Variants in CDH12 observed in about 807,000 individuals in gnomAD.
CDH12 encodes the protein cadherin 12.
In CDH12, 41 loss-of-function variants were observed where a neutral mutation model predicts 74.1. That is an observed-to-expected ratio of 0.55 (90% CI 0.43 to 0.72). CDH12 has a LOEUF of 0.72. Ranked by LOEUF, CDH12 falls within the 30% of genes least tolerant of loss-of-function variation. The pLI, the probability that CDH12 is intolerant of heterozygous loss-of-function variation, is 0.00. For missense variants in CDH12, 945 were observed against 977.2 expected (o/e 0.97, Z 0.44); for synonymous variants, 399 against 355.0 (o/e 1.12, Z -1.39).
chr5:22,312,746 C>A (rs994322163), intron 3 of CDH12, among the ~76,000 whole-genome samples: 1 of 152,154 alleles, frequency 6.6e-6, no homozygotes, highest in African/African-American at 2.4e-5. Context: ...ATTTATTAAG[C>A]AGCTATCTGC....
chr5:21,800,714 C>T (rs1747063443), intron 10 of CDH12, among the ~76,000 whole-genome samples: 1 of 152,118 alleles, frequency 6.6e-6, no homozygotes, highest in Non-Finnish European at 1.5e-5. Context: ...AATTGTAATC[C>T]CTACATGTTG....
chr5:22,800,477 C>T (rs917763477), intron 1 of CDH12, among the ~76,000 whole-genome samples: 3 of 152,120 alleles, frequency 2.0e-5, no homozygotes, highest in African/African-American at 7.2e-5. Context: ...TAGTCCTACA[C>T]GTGTACAGTT....
chr5:22,828,718 G>T (rs1261971170), intron 1 of CDH12, among the ~76,000 whole-genome samples: 1 of 152,142 alleles, frequency 6.6e-6, no homozygotes, highest in Non-Finnish European at 1.5e-5. Flanking sequence ...TTCTGTGCGT[G>T]CTAGAAAATC....
intron 2 of CDH12, among the ~76,000 whole-genome samples, chr5:22,442,708 A>G (rs1744674687): frequency 6.6e-6 from 1 of 152,114 alleles, no homozygotes; most frequent in Non-Finnish European, 1.5e-5. Context: ...TGAAGTAGGC[A>G]GGAAAGCAAG....
intron 4 of CDH12, among the ~76,000 whole-genome samples, chr5:22,177,325 G>A (rs903916194): frequency 6.6e-6 from 1 of 151,990 alleles, no homozygotes; most frequent in Non-Finnish European, 1.5e-5. Context: ...TAAATGAAAT[G>A]AAAATATATT....
chr5:22,025,529 G>A (rs906489919), intron 5 of CDH12, among the ~76,000 whole-genome samples: 1 of 152,136 alleles, frequency 6.6e-6, no homozygotes, highest in African/African-American at 2.4e-5. Flanking sequence ...TTGACTTGAT[G>A]TTGATGGTTG....
chr5:22,569,570 C>A (rs1739446088), intron 1 of CDH12, among the ~76,000 whole-genome samples: 1 of 152,196 alleles, frequency 6.6e-6, no homozygotes, highest in African/African-American at 2.4e-5. Context: ...ACTGCTCTAT[C>A]AACTACGCTT....
intron 6 of CDH12, among the ~76,000 whole-genome samples, chr5:21,889,300 T>C (rs1752788687): frequency 6.6e-6 from 1 of 152,134 alleles, no homozygotes; most frequent in Non-Finnish European, 1.5e-5. Context: ...TATATTATCA[T>C]TATTTAGCAA....
At chr5:22,847,263 T>G (rs977200644) in intron 1 of CDH12, among the ~76,000 whole-genome samples, 1 of 152,200 alleles carries the variant, frequency 6.6e-6, no homozygotes, top group Non-Finnish European at 1.5e-5. Context: ...TGTTTTGCAC[T>G]TTTCAGTCAC....
intron 2 of CDH12, among the ~76,000 whole-genome samples, chr5:22,443,341 C>T (rs749749158): frequency 1.3e-5 from 2 of 151,944 alleles, no homozygotes; most frequent in African/African-American, 4.8e-5. Flanking sequence ...CTGATTTAGC[C>T]CAAGGCCCAG....
At chr5:22,785,083 T>C (rs1276128871) in intron 1 of CDH12, among the ~76,000 whole-genome samples, 1 of 152,158 alleles carries the variant, frequency 6.6e-6, no homozygotes, top group African/African-American at 2.4e-5. Flanking sequence ...TGATGCCTTC[T>C]TCTGACGGAC....
intron 2 of CDH12, among the ~76,000 whole-genome samples, chr5:22,430,013 G>T (rs1045092615): frequency 6.6e-6 from 1 of 152,088 alleles, no homozygotes; most frequent in African/African-American, 2.4e-5. Context: ...GTAATCTATT[G>T]GTTACAGATG....
intron 1 of CDH12, among the ~76,000 whole-genome samples, chr5:22,671,900 A>G (rs1272740781): frequency 6.6e-6 from 1 of 150,742 alleles, no homozygotes; most frequent in Non-Finnish European, 1.5e-5. Context: ...GAATAGAAAC[A>G]TATTTTCTGC....
chr5:21,957,285 T>C (rs1300295248), intron 6 of CDH12, among the ~76,000 whole-genome samples: 1 of 152,186 alleles, frequency 6.6e-6, no homozygotes, highest in East Asian at 1.9e-4. Flanking sequence ...ATGGTGTCTA[T>C]ATACCACATT....
chr5:21,836,462 AACACACAC>A (rs60658949), intron 8 of CDH12, among the ~76,000 whole-genome samples: 14 of 143,430 alleles, frequency 9.8e-5, no homozygotes, highest in South Asian at 2.2e-4. Flanking sequence ...TAGAAAGGAA[AACACACAC>A]ACACACACAC....
At chr5:21,919,285 T>C (rs1251546063) in intron 6 of CDH12, among the ~76,000 whole-genome samples, 1 of 152,206 alleles carries the variant, frequency 6.6e-6, no homozygotes. Context: ...TTATTGCTTA[T>C]GCAGAAATAT....
At position 22,452,831 on chromosome 5, in the gene CDH12, A is replaced by G. The variant is rs1358835920; in HGVS notation, c.-427-47480T>C. The stretch of plus-strand genomic sequence containing the variant: ...AATATTTGCAAACTAGACAACTGAC[A>G]AGAAGTTAACCTAGAGAATATATAT... On this transcript the variant is annotated intron_variant, in intron 2 of 14. Transcript: ENST00000382254. Among the ~76,000 whole-genome samples the G allele has an allele frequency of 2.0e-5, 3 of 147,312 alleles. No individual in the cohort carries two copies. The Admixed American group carries it at 2.1e-4, about 10-fold the overall frequency.
At chr5:22,645,366 A>G (rs1033360513) in intron 1 of CDH12, among the ~76,000 whole-genome samples, 5 of 152,100 alleles carry the variant, frequency 3.3e-5, no homozygotes, top group African/African-American at 1.2e-4. Flanking sequence ...CAGATGTGGT[A>G]GAAACTGCAA....
chr5:22,223,740 T>C (rs1752093752), intron 3 of CDH12, among the ~76,000 whole-genome samples: 2 of 151,824 alleles, frequency 1.3e-5, no homozygotes, highest in Admixed American at 1.3e-4. Flanking sequence ...GCAGCATCAT[T>C]AGTGTAGGAG....
Sources: allele counts gnomAD v4.1 joint callset (sites outside exome capture counted in the v4.1 genomes callset), GRCh38; gene constraint gnomAD v4.1.1; transcripts MANE v1.5; gene names NCBI Gene and HGNC (gene_info 2026-07-23, HGNC 2026-07-21).